The following SLC20A1 variants were observed in gnomAD, a reference collection of about 807,000 sequenced individuals.
SLC20A1 encodes solute carrier family 20 member 1, also known as sodium-dependent phosphate transporter 1.
Under a neutral mutation model 62.7 loss-of-function variants are expected in SLC20A1, and 28 were observed. The ratio of observed to expected loss-of-function variants is 0.45; its 90% CI spans 0.33 to 0.61. The LOEUF (loss-of-function observed/expected upper bound fraction) is 0.61, where lower values mean the gene tolerates loss of function less well. Among genes scored for constraint, SLC20A1 ranks in the 20% least tolerant of loss-of-function variants. SLC20A1 has a pLI of 0.02. For missense variants in SLC20A1, 673 were observed against 838.6 expected, an observed-to-expected ratio of 0.80 and a Z score of 2.44; for synonymous variants, 305 against 302.9, an observed-to-expected ratio of 1.01 and a Z score of -0.07.
chr2:112,661,500 A>G (rs1334426058), intron 10 of SLC20A1, among the ~76,000 whole-genome samples: 1 of 137,336 alleles, frequency 7.3e-6, no homozygotes, highest in Non-Finnish European at 1.6e-5. Context: ...TCTCTTTATA[A>G]TAATTTTTTT....
chr2:112,652,760 G>A lies in SLC20A1; in HGVS notation c.620G>A (p.Gly207Glu), dbSNP rs767364132. 38 of 1,614,108 alleles carry A rather than the reference G, an allele frequency of 2.4e-5. No homozygotes were observed. The East Asian group carries it at 8.0e-4, about 34-fold the overall frequency. The change falls in exon 5 of 11, where the codon GGA becomes GAA. Residue 207 changes from glycine to glutamate, a missense_variant. By Grantham distance (98) the Gly-to-Glu change is moderately conservative. Transcript: ENST00000272542. ...CCAGTTTTCTATGCCTGCACAGTTG[G>A]AATAAACCTCTTTTCCATCATGTAT... is the stretch of plus-strand genomic sequence containing the variant. ...ALPVFYACTV[G>E]INLFSIMYTG...
In SLC20A1 at chr2:112,663,284, T is replaced by C. The variant is rs531657919; in HGVS notation, c.*259T>C. 1 of 508,832 alleles carries C rather than the reference T, an allele frequency of 2.0e-6. No individual in the cohort carries two copies. The highest frequency in any genetic ancestry group is 4.9e-5 in the East Asian group (1 of 20,554). 31.5% of individuals were successfully genotyped at this position (508,832 alleles called of 1,614,324 possible). A position where few individuals can be genotyped will look rare whatever the true frequency, so the allele number is the denominator to read the frequency against. ...CTTCTGGGCTGTGAATTCCTGTACA[T>C]ATTTCTCTACTTTTTGTATCAGGCT... On this transcript the variant is annotated 3_prime_UTR_variant, in exon 11 of 11. Transcript: ENST00000272542.
rs1686796943 is a variant in SLC20A1 at position 112,663,191 on chromosome 2, T to C, written c.*166T>C. ...GCTATAACTGCTTTTGTGCTAAATA[T>C]GAATTGTCTCAAAATTAGCTGTGTA... On this transcript the variant is annotated 3_prime_UTR_variant, in exon 11 of 11. Transcript: ENST00000272542. The C allele has an allele frequency of 2.4e-6, 2 of 837,128 alleles. No individual in the cohort carries two copies. Among genetic ancestry groups the C allele is most frequent in the Non-Finnish European group, 4.0e-6 (2 of 494,048 alleles). 51.9% of individuals were successfully genotyped at this position (837,128 alleles called of 1,614,324 possible).
At chr2:112,653,008 C>A in intron 5 of SLC20A1, 1 of 1,234,226 alleles carries the variant, frequency 8.1e-7, no homozygotes, top group Non-Finnish European at 1.2e-6. Context: ...TTCTAAATCA[C>A]TACAGACCTT....
intron 4 of SLC20A1, among the ~76,000 whole-genome samples, chr2:112,648,833 C>T (rs752092547): frequency 6.6e-6 from 1 of 152,212 alleles, no homozygotes; most frequent in Non-Finnish European, 1.5e-5. Context: ...TAAGCATCTA[C>T]CTTCCCACTC....
chr2:112,652,687 AATG>A lies in SLC20A1; in HGVS notation c.562-11_562-9del. Reference sequence around the variant, plus strand: ...TTATACCTTTTAAGATATTGATCTTAATGATGTTTTACAGGCAGATCCAGTTCC... The same window carrying A: ...TTATACCTTTTAAGATATTGATCTTAATGTTTTACAGGCAGATCCAGTTCC... On this transcript the variant is annotated splice_polypyrimidine_tract_variant and intron_variant, in intron 4 of 10. Coordinates refer to ENST00000272542, the MANE Select transcript of SLC20A1 (RefSeq NM_005415.5). 5 of 1,601,388 alleles carry A rather than the reference AATG, an allele frequency of 3.1e-6. No homozygotes were observed. Among genetic ancestry groups the A allele is most frequent in the Non-Finnish European group, 3.4e-6 (4 of 1,168,428 alleles).
rs1574190712 is a variant in SLC20A1, at chr2:112,660,439, G to C, written c.1660G>C (p.Val554Leu). ...ALYLVYDTGDVSSKVATPIWL... is the reference protein window; with the variant it reads ...ALYLVYDTGDLSSKVATPIWL... ...ATATTTGGTTTATGACACAGGAGAT[G>C]TTTCTTCAAAAGTGGCAACACCAAT... The change falls in exon 9 of 11, where the codon GTT becomes CTT. Residue 554 changes from valine to leucine, a missense_variant. By Grantham distance (32) the Val-to-Leu change is conservative (BLOSUM62 1). Transcript: ENST00000272542. The C allele has an allele frequency of 6.2e-7, 1 of 1,614,142 alleles. No individual in the cohort carries two copies. Among genetic ancestry groups the C allele is most frequent in the East Asian group, 2.2e-5 (1 of 44,880 alleles).
rs747239233 is a variant in SLC20A1 at position 112,662,861 on chromosome 2, T to C, written c.1879-3T>C. 1.2e-6 allele frequency: 2 copies of C among 1,613,704 alleles called. No homozygotes were observed. The highest frequency in any genetic ancestry group is 2.7e-5 in the African/African-American group (2 of 74,858). Reference sequence around the variant, plus strand: ...CTGTTTCCTTGGTCTGCTTCTCTTCTAGGTGGGCTCTGTTGTGTCTGTTGG... The same window carrying C: ...CTGTTTCCTTGGTCTGCTTCTCTTCCAGGTGGGCTCTGTTGTGTCTGTTGG... On this transcript the variant is annotated splice_region_variant and splice_polypyrimidine_tract_variant and intron_variant, in intron 10 of 10. Coordinates refer to ENST00000272542, the MANE Select transcript of SLC20A1 (RefSeq NM_005415.5).
At chr2:112,648,884 A>G (rs1405516033) in intron 4 of SLC20A1, among the ~76,000 whole-genome samples, 2 of 152,236 alleles carry the variant, frequency 1.3e-5, no homozygotes, top group African/African-American at 4.8e-5. Context: ...CTTAAATTAG[A>G]GGCTCACCAG....
At chr2:112,654,311 G>A (rs532051254) in intron 5 of SLC20A1, among the ~76,000 whole-genome samples, 1 of 152,262 alleles carries the variant, frequency 6.6e-6, no homozygotes, top group South Asian at 2.1e-4. Flanking sequence ...AGTTCTTTGT[G>A]ATAAACTAAA....
At chr2:112,658,639 GGTT>G (rs371248307) in intron 6 of SLC20A1, 183 bp from the exon 7 acceptor site, 60 of 668,030 alleles carry the variant, frequency 9.0e-5, no homozygotes, top group African/African-American at 8.9e-4. Flanking sequence ...CTGCATTGCT[GGTT>G]GTTCCCAAGT....
chr2:112,656,875 A>G (rs1558693497), intron 5 of SLC20A1, among the ~76,000 whole-genome samples: 4 of 152,254 alleles, frequency 2.6e-5, no homozygotes, highest in Non-Finnish European at 4.4e-5. Context: ...GTTGAGAAGC[A>G]TAGGAACTTG....
intron 5 of SLC20A1, among the ~76,000 whole-genome samples, chr2:112,655,199 C>T (rs942737260): frequency 1.3e-5 from 2 of 151,984 alleles, no homozygotes; most frequent in African/African-American, 4.8e-5. Flanking sequence ...GAACTCCCAA[C>T]CTCAGGTGAT....
intron 5 of SLC20A1, 115 bp downstream of exon 5, chr2:112,652,913 T>G: frequency 6.3e-7 from 1 of 1,596,696 alleles, no homozygotes; most frequent in Non-Finnish European, 8.5e-7. Flanking sequence ...AGAAGGTGGC[T>G]GGCCTGCGCC....
Position 112,659,637 on chromosome 2 carries a change from A to G in SLC20A1, c.1482A>G (p.Lys494=), listed in dbSNP as rs901770543. 1.2e-6 allele frequency: 2 copies of G among 1,614,104 alleles called. No homozygotes were observed. The highest frequency in any genetic ancestry group is 1.7e-6 in the Non-Finnish European group (2 of 1,180,040). ...VKAEMGLGDR[K]GSNGSLEEWY... ...CAGAGATGGGTCTAGGTGACAGAAAAGGAAGTAATGGCTCTCTAGAAGAAT... is the reference window on the plus strand; with the variant it reads ...CAGAGATGGGTCTAGGTGACAGAAAGGGAAGTAATGGCTCTCTAGAAGAAT... Residue 494 remains lysine, a synonymous_variant, in exon 8 of 11, where the codon AAA becomes AAG. Coordinates refer to ENST00000272542, the MANE Select transcript of SLC20A1 (RefSeq NM_005415.5).
rs774570059 is a variant in SLC20A1, at chr2:112,660,559, A to G, written c.1780A>G (p.Ile594Val). 17 of 1,613,674 alleles carry G rather than the reference A, an allele frequency of 1.1e-5. No individual in the cohort carries two copies. In the African/African-American group the frequency reaches 2.3e-4, roughly 22 times the overall value. ...GACCATGGGGAAGGATCTGACACCG[A>G]TCACACCCTCTAGGTAAGTAGGTGG... ...IQTMGKDLTPITPSSGFSIEL... is the reference protein window; with the variant it reads ...IQTMGKDLTPVTPSSGFSIEL... The change falls in exon 9 of 11, where the codon ATC (isoleucine) becomes GTC (valine). Residue 594 changes from isoleucine to valine, a missense_variant. Ile to Val is a conservative substitution (Grantham distance 29). Transcript: ENST00000272542.
Position 112,657,005 on chromosome 2 carries a change from G to C in SLC20A1, c.659-117G>C, listed in dbSNP as rs1369274153. ...TCCTGTGCACTTAAATCTGGCAGCA[G>C]CTGTCAGGGGTGATGGGCTGGTATG... On this transcript the variant is annotated intron_variant, in intron 5 of 10. Coordinates refer to ENST00000272542, the MANE Select transcript of SLC20A1 (RefSeq NM_005415.5). The C allele has an allele frequency of 2.5e-6, 3 of 1,182,420 alleles. No homozygotes were observed. The Admixed American group carries it at 5.1e-5, about 20-fold the overall frequency. 73.2% of individuals were successfully genotyped at this position (1,182,420 alleles called of 1,614,324 possible).
chr2:112,653,985 T>A (rs1574184251), intron 5 of SLC20A1, among the ~76,000 whole-genome samples: 1 of 151,986 alleles, frequency 6.6e-6, no homozygotes, highest in African/African-American at 2.4e-5. Context: ...AGAGACGGGG[T>A]TTCTCCATGT....
At position 112,659,380 on chromosome 2, in the gene SLC20A1, G is replaced by GA; in HGVS notation, c.1226dup (p.Asp409GlufsTer8). On this transcript the variant is annotated frameshift_variant, in exon 8 of 11. Transcript: ENST00000272542. LOFTEE classifies it high-confidence loss of function. ...GGGAGATTGCATGGGAGACTCCGGT[G>GA]ACAAACCCTTAAGGCGCAATAATAG... 1 of 1,614,160 alleles carries GA rather than the reference G, an allele frequency of 6.2e-7. No homozygotes were observed. Among genetic ancestry groups the GA allele is most frequent in the Non-Finnish European group, 8.5e-7 (1 of 1,180,028 alleles).
Sources: allele counts gnomAD v4.1 joint callset (sites outside exome capture counted in the v4.1 genomes callset), GRCh38; gene constraint gnomAD v4.1.1; transcripts MANE v1.5; gene names NCBI Gene and HGNC (gene_info 2026-07-23, HGNC 2026-07-21).